Variants in AKAP10 observed in about 807,000 individuals in gnomAD.
The protein encoded by AKAP10 is A-kinase anchoring protein 10.
In AKAP10, 24 loss-of-function variants were observed where a neutral mutation model predicts 80.8. The ratio of observed to expected loss-of-function variants is 0.30; its 90% confidence interval spans 0.22 to 0.42. The LOEUF (loss-of-function observed/expected upper bound fraction) is 0.42, where lower values mean the gene tolerates loss of function less well. AKAP10 is among the 10% of genes least tolerant of loss of function. The pLI is 1.00. For missense variants in AKAP10, 661 were observed against 794.9 expected (o/e 0.83, Z 2.03); for synonymous variants, 291 against 277.7 (o/e 1.05, Z -0.48).
chr17:19,962,014 G>T (rs1226481865), intron 3 of AKAP10, among the ~76,000 whole-genome samples: 1 of 152,086 alleles, frequency 6.6e-6, no homozygotes, highest in East Asian at 1.9e-4. Context: ...AACTCTGGAG[G>T]CTGAGGCGAG....
intron 4 of AKAP10, among the ~76,000 whole-genome samples, chr17:19,953,306 G>A: frequency 6.6e-6 from 1 of 151,082 alleles, no homozygotes. Context: ...AGAAAAGAAA[G>A]GTCTCAAACC....
chr17:19,966,919 T>C (rs922975970), intron 2 of AKAP10, among the ~76,000 whole-genome samples: 4 of 152,060 alleles, frequency 2.6e-5, no homozygotes, highest in African/African-American at 9.7e-5. Flanking sequence ...AGAAGGCAGT[T>C]TGAACTAATG....
At chr17:19,947,656 T>G in intron 4 of AKAP10, 151 bp from the exon 5 acceptor site, 1 of 684,532 alleles carries the variant, frequency 1.5e-6, no homozygotes, top group Non-Finnish European at 2.6e-6. Flanking sequence ...GTTTGGTTTG[T>G]GGAAGAGGAG....
rs141860239 is a variant in AKAP10, at chr17:19,931,442, G to A, written c.1641+363C>T. The stretch of plus-strand genomic sequence containing the variant: ...GTCTCACTTTGTCACCCAGGCTGGA[G>A]TGCAGTGGCGTGATTTTGGTTCATT... On this transcript the variant is annotated intron_variant, in intron 10 of 14. Coordinates refer to ENST00000225737, the MANE Select transcript of AKAP10 (RefSeq NM_007202.4). 2.6e-3 allele frequency among the ~76,000 whole-genome samples: 390 copies of A among 150,224 alleles called. 14 individuals are homozygous for A. In the East Asian group the frequency reaches 0.072, roughly 28 times the overall value.
At chr17:19,969,790 G>A (rs1399788017) in intron 1 of AKAP10, among the ~76,000 whole-genome samples, 1 of 152,136 alleles carries the variant, frequency 6.6e-6, no homozygotes, top group Non-Finnish European at 1.5e-5. Context: ...ATTCAAGTGT[G>A]TGGAGACTAA....
chr17:19,925,484 A>G (rs948988301), intron 10 of AKAP10, among the ~76,000 whole-genome samples: 4 of 152,196 alleles, frequency 2.6e-5, no homozygotes, highest in Admixed American at 2.0e-4. Flanking sequence ...AAAAACCAGA[A>G]TTGGTATTTT....
intron 8 of AKAP10, among the ~76,000 whole-genome samples, chr17:19,937,092 G>A (rs758826088): frequency 1.4e-5 from 2 of 146,902 alleles, no homozygotes; most frequent in Non-Finnish European, 3.0e-5. Context: ...ACCAAAAAAA[G>A]CATTAAATGC....
chr17:19,950,409 G>A (rs1321266284), intron 4 of AKAP10, among the ~76,000 whole-genome samples: 1 of 152,206 alleles, frequency 6.6e-6, no homozygotes, highest in Admixed American at 6.5e-5. Context: ...CAACCTCCCT[G>A]CCTGATTCTC....
At chr17:19,914,292 G>A (rs2042721358) in intron 12 of AKAP10, among the ~76,000 whole-genome samples, 1 of 152,162 alleles carries the variant, frequency 6.6e-6, no homozygotes, top group Non-Finnish European at 1.5e-5. Context: ...GAGGCACCAT[G>A]TCCAGCTGAG....
chr17:19,950,320 C>G (rs570245121), intron 4 of AKAP10, among the ~76,000 whole-genome samples: 1 of 152,348 alleles, frequency 6.6e-6, no homozygotes, highest in Admixed American at 6.5e-5. Context: ...CTCCCTCTCC[C>G]TCTCCCCGGT....
intron 10 of AKAP10, among the ~76,000 whole-genome samples, chr17:19,924,988 A>C (rs913246618): frequency 6.6e-6 from 1 of 151,994 alleles, no homozygotes; most frequent in African/African-American, 2.4e-5. Flanking sequence ...ATATGGTGAA[A>C]CCCAGTTTCT....
At chr17:19,922,946 C>G (rs1410804916) in intron 11 of AKAP10, among the ~76,000 whole-genome samples, 1 of 152,162 alleles carries the variant, frequency 6.6e-6, no homozygotes, top group Non-Finnish European at 1.5e-5. Context: ...ATTATACATA[C>G]ACACAATTAC....
At chr17:19,910,256 G>T (rs1448882948) in intron 12 of AKAP10, among the ~76,000 whole-genome samples, 2 of 147,468 alleles carry the variant, frequency 1.4e-5, no homozygotes, top group African/African-American at 5.2e-5. Flanking sequence ...GAACCTGGGA[G>T]CAGAGGTTGA....
At chr17:19,970,324 G>A (rs936348440) in intron 1 of AKAP10, among the ~76,000 whole-genome samples, 3 of 151,980 alleles carry the variant, frequency 2.0e-5, no homozygotes, top group Admixed American at 6.6e-5. Context: ...AAACCACCAC[G>A]GTTCCACTTT....
chr17:19,921,994 C>T (rs2042823013), intron 11 of AKAP10, among the ~76,000 whole-genome samples: 1 of 152,076 alleles, frequency 6.6e-6, no homozygotes, highest in Non-Finnish European at 1.5e-5. Context: ...ATATCAATTA[C>T]ATAAAAATAA....
intron 4 of AKAP10, among the ~76,000 whole-genome samples, chr17:19,954,884 T>G (rs1377269159): frequency 6.6e-6 from 1 of 151,382 alleles, no homozygotes; most frequent in African/African-American, 2.4e-5. Flanking sequence ...GAAGGCACAA[T>G]CCATACAAGA....
intron 2 of AKAP10, among the ~76,000 whole-genome samples, chr17:19,965,134 G>A (rs770136563): frequency 6.6e-6 from 1 of 152,160 alleles, no homozygotes; most frequent in Non-Finnish European, 1.5e-5. Flanking sequence ...AGCACAATCT[G>A]TCTAAATATC....
At chr17:19,928,368 T>A (rs191654305) in intron 10 of AKAP10, among the ~76,000 whole-genome samples, 10 of 152,278 alleles carry the variant, frequency 6.6e-5, no homozygotes, top group African/African-American at 2.2e-4. Context: ...AAAACCACAC[T>A]GAAGTAGAAC....
intron 11 of AKAP10, among the ~76,000 whole-genome samples, chr17:19,922,753 A>G (rs1321293436): frequency 6.6e-6 from 1 of 152,070 alleles, no homozygotes; most frequent in East Asian, 1.9e-4. Flanking sequence ...ACAAAAAATT[A>G]GCCGGGCGTG....
Sources: allele counts gnomAD v4.1 joint callset (sites outside exome capture counted in the v4.1 genomes callset), GRCh38; gene constraint gnomAD v4.1.1; transcripts MANE v1.5; gene names NCBI Gene and HGNC (gene_info 2026-07-23, HGNC 2026-07-21).